The following AAMDC variants were observed in gnomAD, a reference collection of about 807,000 sequenced individuals.
The protein encoded by AAMDC is mth938 domain-containing protein.
In AAMDC, 16 loss-of-function variants were observed where a neutral mutation model predicts 15.5. That is an observed-to-expected ratio of 1.03 (90% confidence interval 0.70 to 1.57). The LOEUF (loss-of-function observed/expected upper bound fraction) is 1.57, where lower values mean the gene tolerates loss of function less well. AAMDC is among the 40% of genes most tolerant of loss of function. AAMDC has a pLI of 0.00. For synonymous variants in AAMDC, 51 were observed against 51.6 expected, an observed-to-expected ratio of 0.99 and a Z score of 0.05; for missense variants, 141 against 144.9, an observed-to-expected ratio of 0.97 and a Z score of 0.14.
At chr11:77,879,201 A>C in intron 5 of AAMDC, 1 of 1,517,410 alleles carries the variant, frequency 6.6e-7, no homozygotes, top group Non-Finnish European at 9.0e-7. Context: ...GAAGTTAAAG[A>C]AATATCAAAA....
At chr11:77,873,833 T>C (rs1951522613), downstream of AAMDC, among the ~76,000 whole-genome samples, 1 of 152,210 alleles carries the variant, frequency 6.6e-6, no homozygotes, top group African/African-American at 2.4e-5. Flanking sequence ...GCAGCTCTTT[T>C]AACTAGACAT....
At chr11:77,878,723 G>A (rs1430594903) in intron 5 of AAMDC, 1 of 695,194 alleles carries the variant, frequency 1.4e-6, no homozygotes, top group Admixed American at 2.1e-5. Flanking sequence ...GAACAGCTTG[G>A]TGTTTTCTCA....
At chr11:77,885,800 A>T (rs1394009447) in intron 5 of AAMDC, among the ~76,000 whole-genome samples, 1 of 152,040 alleles carries the variant, frequency 6.6e-6, no homozygotes, top group African/African-American at 2.4e-5. Flanking sequence ...AGCCTGGGTG[A>T]CAGAGTGAGA....
chr11:77,843,755 T>G (rs1389179744), intron 2 of AAMDC, among the ~76,000 whole-genome samples: 1 of 152,144 alleles, frequency 6.6e-6, no homozygotes, highest in African/African-American at 2.4e-5. Context: ...TCATTTTCAT[T>G]AGTTCATTTT....
intron 5 of AAMDC, chr11:77,883,888 C>T (rs978325311): frequency 1.2e-5 from 19 of 1,612,944 alleles, no homozygotes; most frequent in Admixed American, 1.7e-5. Flanking sequence ...CCGCCCTGGG[C>T]CAGGATTCCG....
chr11:77,860,344 G>A (rs1466527330), intron 2 of AAMDC, among the ~76,000 whole-genome samples: 1 of 152,226 alleles, frequency 6.6e-6, no homozygotes, highest in Non-Finnish European at 1.5e-5. Context: ...TTATGCTAAG[G>A]AATCCTCTTA....
intron 5 of AAMDC, among the ~76,000 whole-genome samples, chr11:77,897,169 C>G (rs572417747): frequency 6.6e-6 from 1 of 151,534 alleles, no homozygotes; most frequent in Non-Finnish European, 1.5e-5. Flanking sequence ...ATTTAAAAGG[C>G]GACAGAGAAC....
chr11:77,863,377 C>T (rs1423959320), intron 2 of AAMDC, among the ~76,000 whole-genome samples: 1 of 152,146 alleles, frequency 6.6e-6, no homozygotes, highest in Non-Finnish European at 1.5e-5. Flanking sequence ...AGCGAAAACT[C>T]AGCTCGAGCC....
chr11:77,855,651 G>A (rs1950586431), intron 2 of AAMDC, among the ~76,000 whole-genome samples: 1 of 150,096 alleles, frequency 6.7e-6, no homozygotes, highest in Non-Finnish European at 1.5e-5. Context: ...TATGCCACAT[G>A]ACCAGGCTGC....
chr11:77,838,106 T>C lies in AAMDC; in HGVS notation c.-18-4373T>C, dbSNP rs141010539. Among the ~76,000 whole-genome samples, 51 of 152,150 alleles carry C rather than the reference T, an allele frequency of 3.4e-4. 1 individual carries two copies. The highest frequency in any genetic ancestry group is 3.3e-3 in the Admixed American group (50 of 15,278). On this transcript the variant is annotated intron_variant, in intron 1 of 3. Transcript: ENST00000393427. ...TAATAATAAGTTGAACTTGCAAAAA[T>C]GGGTTATTAGTTATTAATGTTAATC... is the stretch of plus-strand genomic sequence containing the variant.
chr11:77,833,127 C>T (rs769710203), intron 1 of AAMDC, among the ~76,000 whole-genome samples: 6 of 150,162 alleles, frequency 4.0e-5, no homozygotes, highest in African/African-American at 7.4e-5. Context: ...TCTCCTGCCT[C>T]GGCTTTGGAG....
intron 2 of AAMDC, among the ~76,000 whole-genome samples, chr11:77,848,084 C>A (rs1355454774): frequency 6.6e-6 from 1 of 152,180 alleles, no homozygotes; most frequent in Non-Finnish European, 1.5e-5. Context: ...CTAATCTCAT[C>A]CATAGACATT....
At chr11:77,877,353 CCT>C (rs1299288392) in intron 5 of AAMDC, among the ~76,000 whole-genome samples, 1 of 152,224 alleles carries the variant, frequency 6.6e-6, no homozygotes, top group Non-Finnish European at 1.5e-5. Context: ...TCCAGCTCCA[CCT>C]CTGAGTAATT....
rs35874548 is a variant in AAMDC at position 77,845,444 on chromosome 11, T to TGG, written c.132+2822_132+2823dup. Among the ~76,000 whole-genome samples the TGG allele has an allele frequency of 7.6e-3, 1,152 of 151,814 alleles. 5 individuals are homozygous for TGG. Among genetic ancestry groups the TGG allele is most frequent in the Non-Finnish European group, 0.013 (856 of 67,900 alleles). On this transcript the variant is annotated intron_variant, in intron 2 of 3. Transcript: ENST00000393427. Reference sequence around the variant, plus strand: ...TTCTTTTTCTTTTCTTTTTTTTTGGTGGGGGGGATAGACTATTGCTCTGTC... The same window carrying TGG: ...TTCTTTTTCTTTTCTTTTTTTTTGGTGGGGGGGGGATAGACTATTGCTCTGTC...
chr11:77,885,522 G>T (rs941973392), intron 5 of AAMDC, among the ~76,000 whole-genome samples: 1 of 151,656 alleles, frequency 6.6e-6, no homozygotes, highest in Non-Finnish European at 1.5e-5. Context: ...TTTTTTTTTA[G>T]AAAATGAAGG....
chr11:77,849,478 C>T (rs1950283708), intron 2 of AAMDC, among the ~76,000 whole-genome samples: 1 of 152,170 alleles, frequency 6.6e-6, no homozygotes, highest in African/African-American at 2.4e-5. Flanking sequence ...CCCATCTCGG[C>T]CTCTCAAAGT....
chr11:77,883,977 A>C (rs764088544), intron 5 of AAMDC: 1 of 1,608,946 alleles, frequency 6.2e-7, no homozygotes, highest in South Asian at 1.1e-5. Context: ...AAATGAGAAA[A>C]AGGCAGAAGC....
intron 2 of AAMDC, among the ~76,000 whole-genome samples, chr11:77,856,608 T>C (rs1237010043): frequency 6.6e-6 from 1 of 152,166 alleles, no homozygotes; most frequent in Non-Finnish European, 1.5e-5. Flanking sequence ...GAAGCATAGC[T>C]GGGGAGCCTC....
intron 5 of AAMDC, among the ~76,000 whole-genome samples, chr11:77,897,943 G>C (rs538342443): frequency 6.6e-6 from 1 of 152,066 alleles, no homozygotes; most frequent in South Asian, 2.1e-4. Flanking sequence ...CAAGTAACTA[G>C]GACCACAGGT....
Sources: allele counts gnomAD v4.1 joint callset (sites outside exome capture counted in the v4.1 genomes callset), GRCh38; gene constraint gnomAD v4.1.1; transcripts MANE v1.5; gene names NCBI Gene and HGNC (gene_info 2026-07-23, HGNC 2026-07-21).